MMRN1: variants seen among roughly 807,000 people sequenced by gnomAD.
MMRN1 encodes the protein multimerin-1.
MMRN1 carries 94 observed loss-of-function variants against 100.7 expected under a neutral mutation model. That is an observed-to-expected ratio of 0.93 (90% confidence interval 0.79 to 1.11). The LOEUF (loss-of-function observed/expected upper bound fraction) is 1.11, where lower values mean the gene tolerates loss of function less well. Ranked by LOEUF, MMRN1 falls within the 50% of genes least tolerant of loss-of-function variation. The pLI, the probability that MMRN1 is intolerant of heterozygous loss-of-function variation, is 0.00. For missense variants in MMRN1, 1,606 were observed against 1,439.1 expected (o/e 1.12, Z -1.88); for synonymous variants, 575 against 505.0 (o/e 1.14, Z -1.86).
At chr4:89,906,786 T>G (rs977482241) in intron 1 of MMRN1, among the ~76,000 whole-genome samples, 1 of 151,484 alleles carries the variant, frequency 6.6e-6, no homozygotes, top group Non-Finnish European at 1.5e-5. Context: ...CTGTGGATAG[T>G]TCTTCTAATT....
Position 89,935,898 on chromosome 4 carries a change from G to T in MMRN1, c.2218G>T (p.Asp740Tyr). ...AATGACTATTATAAATAATGCTATT[G>T]ATTTCATTCAAGATAACTATGCCCT... is the stretch of plus-strand genomic sequence containing the variant. Reference protein sequence around the residue: ...KTMTIINNAIDFIQDNYALKE... With the variant: ...KTMTIINNAIYFIQDNYALKE... The change falls in exon 6 of 8, where the codon GAT becomes TAT. Residue 740 changes from aspartate (D) to tyrosine (Y), a missense_variant. Physicochemically the swap from Asp to Tyr is radical, Grantham distance 160. Coordinates refer to ENST00000264790, the MANE Select transcript of MMRN1 (RefSeq NM_007351.3). The T allele has an allele frequency of 6.2e-7, 1 of 1,609,292 alleles. No homozygotes were observed. Among genetic ancestry groups the T allele is most frequent in the Non-Finnish European group, 8.5e-7 (1 of 1,177,886 alleles).
chr4:89,884,814 A>G (rs964309726), intron 1 of MMRN1, among the ~76,000 whole-genome samples: 2 of 152,138 alleles, frequency 1.3e-5, no homozygotes. Flanking sequence ...CAAGTCATTT[A>G]TATATAATAC....
chr4:89,932,479 C>T (rs62312661), intron 5 of MMRN1, among the ~76,000 whole-genome samples: 2 of 152,176 alleles, frequency 1.3e-5, no homozygotes, highest in East Asian at 1.9e-4. Context: ...TGGGGGGTCC[C>T]ACCCCACATT....
chr4:89,919,355 T>C (rs1040703025), intron 3 of MMRN1, among the ~76,000 whole-genome samples: 1 of 151,662 alleles, frequency 6.6e-6, no homozygotes, highest in Non-Finnish European at 1.5e-5. Flanking sequence ...TAACATTTTT[T>C]AATATTTTCT....
chr4:89,913,207 A>G (rs2110600569), intron 3 of MMRN1, among the ~76,000 whole-genome samples: 1 of 151,396 alleles, frequency 6.6e-6, no homozygotes, highest in Non-Finnish European at 1.5e-5. Flanking sequence ...TGAATTGTTA[A>G]AAGTTCTGGA....
chr4:89,939,826 C>A (rs1272030834), intron 6 of MMRN1, among the ~76,000 whole-genome samples: 1 of 152,130 alleles, frequency 6.6e-6, no homozygotes, highest in African/African-American at 2.4e-5. Context: ...GATCCAAATA[C>A]TGACAAGTTG....
chr4:89,886,315 A>G (rs1720936444), intron 1 of MMRN1, among the ~76,000 whole-genome samples: 1 of 152,136 alleles, frequency 6.6e-6, no homozygotes, highest in Non-Finnish European at 1.5e-5. Flanking sequence ...ACTGAGGATT[A>G]TTTAGAAGTA....
At chr4:89,884,034 G>T (rs950627246) in intron 1 of MMRN1, among the ~76,000 whole-genome samples, 1 of 151,878 alleles carries the variant, frequency 6.6e-6, no homozygotes, top group African/African-American at 2.4e-5. Context: ...TCCAAAATTG[G>T]TATAGATTGA....
At chr4:89,893,349 T>C (rs1009960654), upstream of MMRN1, among the ~76,000 whole-genome samples, 1 of 151,496 alleles carries the variant, frequency 6.6e-6, no homozygotes, top group South Asian at 2.1e-4. Context: ...CGGAAATAAA[T>C]GGCAAAGATT....
At chr4:89,928,032 TTTC>T (rs1212097477) in intron 5 of MMRN1, 64 bp downstream of exon 5, 139 of 1,322,660 alleles carry the variant, frequency 1.1e-4, no homozygotes, top group Non-Finnish European at 9.0e-5. Context: ...TCATTTTTCT[TTTC>T]TTACATCACT....
At chr4:89,893,971 A>C (rs557302826), upstream of MMRN1, among the ~76,000 whole-genome samples, 1 of 152,194 alleles carries the variant, frequency 6.6e-6, no homozygotes, top group East Asian at 1.9e-4. Flanking sequence ...CCCATAGAAA[A>C]CTCAGATAAA....
At chr4:89,923,399 C>A in intron 4 of MMRN1, 127 bp downstream of exon 4, 2 of 845,088 alleles carry the variant, frequency 2.4e-6, no homozygotes. Flanking sequence ...CTTCTCAGTC[C>A]TTTTCTACTG....
In MMRN1 at chr4:89,895,039, G is replaced by T; in HGVS notation, c.68G>T (p.Ser23Ile). Residue 23 changes from serine (S) to isoleucine (I), a missense_variant, in exon 1 of 8, where the codon AGT becomes ATT. Coordinates refer to ENST00000264790, the MANE Select transcript of MMRN1 (RefSeq NM_007351.3). ...AGTGGGGGCATTGGGCTTAACAACA[G>T]TAAGCATTCTTGGACTATACCTGAG... is the stretch of plus-strand genomic sequence containing the variant. Reference protein sequence around the residue: ...LWSGGIGLNNSKHSWTIPEDG... With the variant: ...LWSGGIGLNNIKHSWTIPEDG... 1 of 1,613,852 alleles carries T rather than the reference G, an allele frequency of 6.2e-7. No individual in the cohort carries two copies. Among genetic ancestry groups the T allele is most frequent in the Non-Finnish European group, 8.5e-7 (1 of 1,179,842 alleles).
At position 89,935,550 on chromosome 4, in the gene MMRN1, G is replaced by T. The variant is rs1307174443; in HGVS notation, c.1870G>T (p.Val624Phe). ...TGTGTTAAATCAAACATTGGCTGAAGTTCTCTTTCCAATGGACAATAAGAT... is the reference window on the plus strand; with the variant it reads ...TGTGTTAAATCAAACATTGGCTGAATTTCTCTTTCCAATGGACAATAAGAT... ...LHVLNQTLAE[V>F]LFPMDNKMDK... is the part of the protein sequence containing the mutation. The change falls in exon 6 of 8, where the codon GTT becomes TTT. Residue 624 changes from valine to phenylalanine, a missense_variant. By Grantham distance (50) the Val-to-Phe change is conservative. Coordinates refer to ENST00000264790, the MANE Select transcript of MMRN1 (RefSeq NM_007351.3). 3 of 1,613,202 alleles carry T rather than the reference G, an allele frequency of 1.9e-6. No homozygotes were observed. Among genetic ancestry groups the T allele is most frequent in the Non-Finnish European group, 2.5e-6 (3 of 1,179,680 alleles).
intron 1 of MMRN1, among the ~76,000 whole-genome samples, chr4:89,885,541 A>C (rs988108738): frequency 6.6e-6 from 1 of 152,076 alleles, no homozygotes; most frequent in African/African-American, 2.4e-5. Context: ...TAGCGAAGCC[A>C]TTTTGATCTG....
At chr4:89,940,432 A>T (rs572338168) in intron 6 of MMRN1, among the ~76,000 whole-genome samples, 7 of 152,298 alleles carry the variant, frequency 4.6e-5, no homozygotes, top group African/African-American at 1.7e-4. Flanking sequence ...TAATTTTAAA[A>T]ATTATCATTG....
chr4:89,912,134 A>G, intron 3 of MMRN1, 84 bp downstream of exon 3: 9 of 971,840 alleles, frequency 9.3e-6, no homozygotes, highest in Non-Finnish European at 1.3e-5. Context: ...CCCCTTTTGA[A>G]CCAAGGTAAA....
rs1360325754 is a variant in MMRN1, at chr4:89,901,090, A to T, written c.623+5496A>T. Among the ~76,000 whole-genome samples the T allele has an allele frequency of 2.0e-5, 3 of 151,262 alleles. No homozygotes were observed. The East Asian group carries it at 5.8e-4, about 29-fold the overall frequency. On this transcript the variant is annotated intron_variant, in intron 1 of 7. Transcript: ENST00000264790. Reference sequence around the variant, plus strand: ...GAGCACCATGCTCTGGCCTGAGAGAATTGAGGTATGAAGGAAGGCAAAAGA... The same window carrying T: ...GAGCACCATGCTCTGGCCTGAGAGATTTGAGGTATGAAGGAAGGCAAAAGA...
chr4:89,903,952 C>T (rs778920979), intron 1 of MMRN1, among the ~76,000 whole-genome samples: 1 of 149,294 alleles, frequency 6.7e-6, no homozygotes. Flanking sequence ...TTATTCACAC[C>T]TATGTGTGCA....
Sources: gnomAD v4.1 joint callset for allele counts (sites outside exome capture counted in the v4.1 genomes callset) on GRCh38, gnomAD v4.1.1 for gene constraint, MANE v1.5 for transcripts, NCBI Gene and HGNC (gene_info 2026-07-23, HGNC 2026-07-21) for gene names.